The following ANKIB1 variants were observed in gnomAD, a reference collection of about 807,000 sequenced individuals.
ANKIB1 encodes ankyrin repeat and IBR domain containing 1, also known as ankyrin repeat and IBR domain-containing protein 1.
Under a neutral mutation model 122.1 loss-of-function variants are expected in ANKIB1, and 43 were observed. The observed-to-expected ratio is 0.35, with a 90% CI of 0.28 to 0.45. The LOEUF (loss-of-function observed/expected upper bound fraction) is 0.45. Among genes scored for constraint, ANKIB1 ranks in the 20% least tolerant of loss-of-function variants. The pLI, the probability that ANKIB1 is intolerant of heterozygous loss-of-function variation, is 1.00. For synonymous variants in ANKIB1, 390 were observed against 442.0 expected, an observed-to-expected ratio of 0.88 and a Z score of 1.48; for missense variants, 992 against 1,329.5, an observed-to-expected ratio of 0.75 and a Z score of 3.95.
chr7:92,278,951 TC>T (rs1390890341), intron 1 of ANKIB1, among the ~76,000 whole-genome samples: 1 of 152,160 alleles, frequency 6.6e-6, no homozygotes, highest in Non-Finnish European at 1.5e-5. Flanking sequence ...CAGTGAGACA[TC>T]CCCTAGAGCA....
chr7:92,396,536 C>A, intron 18 of ANKIB1, 60 bp downstream of exon 18: 1 of 829,094 alleles, frequency 1.2e-6, no homozygotes, highest in Non-Finnish European at 1.9e-6. Flanking sequence ...ATCCTTCAAA[C>A]TGGCTGATGT....
intron 1 of ANKIB1, among the ~76,000 whole-genome samples, chr7:92,286,351 T>C (rs1802122870): frequency 6.6e-6 from 1 of 152,180 alleles, no homozygotes; most frequent in Admixed American, 6.6e-5. Flanking sequence ...CGAGATTGCA[T>C]AGAGGTTAGA....
At chr7:92,261,363 AAAAG>A (rs1289231279) in intron 1 of ANKIB1, among the ~76,000 whole-genome samples, 3 of 149,420 alleles carry the variant, frequency 2.0e-5, no homozygotes, top group African/African-American at 4.9e-5. Flanking sequence ...AAAAAAAAAA[AAAAG>A]AAAAGAAATT....
chr7:92,373,341 T>TG (rs1218113022), intron 11 of ANKIB1, among the ~76,000 whole-genome samples: 1 of 152,162 alleles, frequency 6.6e-6, no homozygotes, highest in Non-Finnish European at 1.5e-5. Flanking sequence ...CAGACTCCAA[T>TG]ATTATCTTTA....
At chr7:92,338,659 C>A (rs1273328099) in intron 5 of ANKIB1, among the ~76,000 whole-genome samples, 1 of 151,176 alleles carries the variant, frequency 6.6e-6, no homozygotes, top group African/African-American at 2.4e-5. Flanking sequence ...TGCCTGTAAT[C>A]CCAGCACTTT....
intron 5 of ANKIB1, among the ~76,000 whole-genome samples, chr7:92,333,438 C>A (rs1284870926): frequency 6.6e-6 from 1 of 152,134 alleles, no homozygotes; most frequent in African/African-American, 2.4e-5. Flanking sequence ...TCTAGAATGT[C>A]TTTCCCTTCC....
chr7:92,376,141 G>A (rs1804374069), intron 11 of ANKIB1, among the ~76,000 whole-genome samples: 1 of 152,186 alleles, frequency 6.6e-6, no homozygotes, highest in Non-Finnish European at 1.5e-5. Flanking sequence ...ATTTAGCATA[G>A]TTCTTAAACA....
At chr7:92,394,652 G>A (rs1488368581) in intron 17 of ANKIB1, among the ~76,000 whole-genome samples, 6 of 152,044 alleles carry the variant, frequency 3.9e-5, no homozygotes, top group African/African-American at 1.4e-4. Context: ...CACCATCTTT[G>A]TCTAAGAAAT....
rs67933063 is a variant in ANKIB1, at chr7:92,344,193, GTTTTTTTTT to G, written c.997-765_997-757del. On this transcript the variant is annotated intron_variant, in intron 6 of 19. Coordinates refer to ENST00000265742, the MANE Select transcript of ANKIB1 (RefSeq NM_019004.2). ...TTTTTGTTGTTGTTTTGTGTTTTTGGTTTTTTTTTTTTTTTTTTTTTTTTTTTTGAGACG... is the reference window on the plus strand; with the variant it reads ...TTTTTGTTGTTGTTTTGTGTTTTTGGTTTTTTTTTTTTTTTTTTTGAGACG... 1.1e-4 allele frequency among the ~76,000 whole-genome samples: 11 copies of G among 97,680 alleles called. No individual in the cohort carries two copies. The South Asian group carries it at 1.4e-3, about 12-fold the overall frequency. The allele number at this position is 97,680 out of a possible 152,430, so 64.1% of individuals were successfully genotyped here.
chr7:92,365,371 C>T (rs1444748317), intron 10 of ANKIB1, among the ~76,000 whole-genome samples: 1 of 152,098 alleles, frequency 6.6e-6, no homozygotes, highest in African/African-American at 2.4e-5. Context: ...TCACATGAAC[C>T]AGAATAGGAA....
chr7:92,258,281 C>G (rs1801488962), intron 1 of ANKIB1, among the ~76,000 whole-genome samples: 1 of 152,174 alleles, frequency 6.6e-6, no homozygotes, highest in African/African-American at 2.4e-5. Context: ...GGTTCCAATT[C>G]AGGGATTTTA....
chr7:92,288,218 T>C (rs1802176330), intron 1 of ANKIB1, among the ~76,000 whole-genome samples: 1 of 152,138 alleles, frequency 6.6e-6, no homozygotes, highest in Non-Finnish European at 1.5e-5. Context: ...ATATGAACAC[T>C]TGGCATTTGA....
chr7:92,362,609 G>A (rs1295996567), intron 10 of ANKIB1, among the ~76,000 whole-genome samples: 1 of 152,132 alleles, frequency 6.6e-6, no homozygotes, highest in Non-Finnish European at 1.5e-5. Context: ...TGTGGAAGTA[G>A]TATATGATCT....
At chr7:92,359,278 GTTC>G in intron 9 of ANKIB1, among the ~76,000 whole-genome samples, 1 of 152,086 alleles carries the variant, frequency 6.6e-6, no homozygotes, top group Admixed American at 6.5e-5. Flanking sequence ...GTGTCCATGT[GTTC>G]TCCTTGTTCA....
chr7:92,371,081 C>T (rs911205654), intron 10 of ANKIB1, among the ~76,000 whole-genome samples: 14 of 151,856 alleles, frequency 9.2e-5, no homozygotes, highest in African/African-American at 3.4e-4. Context: ...ATTATATTTG[C>T]ATCTGGCCTG....
chr7:92,334,579 A>G (rs570895003), intron 5 of ANKIB1, among the ~76,000 whole-genome samples: 2 of 152,130 alleles, frequency 1.3e-5, no homozygotes, highest in East Asian at 3.9e-4. Context: ...AATAAATAAA[A>G]ATGAACTTTT....
chr7:92,314,239 A>G (rs1415828217), intron 3 of ANKIB1, among the ~76,000 whole-genome samples: 5 of 152,002 alleles, frequency 3.3e-5, no homozygotes, highest in African/African-American at 1.2e-4. Flanking sequence ...TGGAGGCTAC[A>G]GTGAGCCGTG....
At chr7:92,277,486 T>G (rs1462314771) in intron 1 of ANKIB1, among the ~76,000 whole-genome samples, 1 of 152,184 alleles carries the variant, frequency 6.6e-6, no homozygotes, top group Non-Finnish European at 1.5e-5. Context: ...CAGTATGAAC[T>G]CTTACCATTG....
intron 1 of ANKIB1, among the ~76,000 whole-genome samples, chr7:92,287,261 C>A (rs531140980): frequency 2.6e-5 from 4 of 152,176 alleles, no homozygotes; most frequent in Non-Finnish European, 4.4e-5. Context: ...TTATCCATTT[C>A]AGAATCCAGT....
Sources: gnomAD v4.1 joint callset for allele counts (sites outside exome capture counted in the v4.1 genomes callset) on GRCh38, gnomAD v4.1.1 for gene constraint, MANE v1.5 for transcripts, NCBI Gene and HGNC (gene_info 2026-07-23, HGNC 2026-07-21) for gene names.